WARS1: variants seen among roughly 807,000 people sequenced by gnomAD.
WARS1 encodes the protein tryptophan--tRNA ligase, cytoplasmic.
WARS1 carries 17 observed loss-of-function variants against 47.8 expected under a neutral mutation model. The observed-to-expected ratio is 0.36, with a 90% CI of 0.24 to 0.53. The LOEUF (loss-of-function observed/expected upper bound fraction) is 0.53. Among genes scored for constraint, WARS1 ranks in the 20% least tolerant of loss-of-function variants. The probability of loss-of-function intolerance (pLI) is 0.91; values close to 1 mark genes in which losing one functional copy is unlikely to be tolerated. For missense variants in WARS1, 434 were observed against 608.0 expected (o/e 0.71, Z 3.01); for synonymous variants, 208 against 228.1 (o/e 0.91, Z 0.79).
chr14:100,352,970 G>A (rs939595392), intron 6 of WARS1: 1 of 152,222 alleles, frequency 6.6e-6, no homozygotes, highest in Non-Finnish European at 1.5e-5. Flanking sequence ...TCTTTTCTCT[G>A]TGAGGAAAAG....
At chr14:100,353,397 C>T (rs574320913) in intron 6 of WARS1, among the ~76,000 whole-genome samples, 5 of 150,746 alleles carry the variant, frequency 3.3e-5, no homozygotes, top group African/African-American at 7.3e-5. Flanking sequence ...CTTATAGGTG[C>T]GTGCCACCAC....
Position 100,346,812 on chromosome 14 carries a change from T to C in WARS1, c.760A>G (p.Ile254Val). 3 of 1,614,016 alleles carry C rather than the reference T, an allele frequency of 1.9e-6. No individual in the cohort carries two copies. The highest frequency in any genetic ancestry group is 1.7e-6 in the Non-Finnish European group (2 of 1,179,900). Residue 254 changes from isoleucine to valine, a missense_variant, in exon 7 of 11, where the codon ATT becomes GTT. Transcript: ENST00000392882. ...SSGFYKNVVK[I>V]QKHVTFNQVK... ...TGGTTGAAGGTAACATGCTTTTGAATCTTCACCACATTTTTGTAGAAACCT... is the reference window on the plus strand; with the variant it reads ...TGGTTGAAGGTAACATGCTTTTGAACCTTCACCACATTTTTGTAGAAACCT...
At chr14:100,338,122 A>G (rs760677397) in intron 9 of WARS1, among the ~76,000 whole-genome samples, 11 of 152,180 alleles carry the variant, frequency 7.2e-5, no homozygotes, top group Non-Finnish European at 1.2e-4. Context: ...AACAGGCAAC[A>G]CTGTCAGAGC....
rs2234521 is a variant in WARS1, at chr14:100,361,861, C to T, written c.160G>A (p.Ala54Thr). 168 of 1,614,056 alleles carry T rather than the reference C, an allele frequency of 1.0e-4. No individual in the cohort carries two copies. Among genetic ancestry groups the T allele is most frequent in the Non-Finnish European group, 1.4e-4 (161 of 1,180,042 alleles). ...CAGTCAGCCTTGTAATCCTCCCCCG[C>T]GGCAGCTTTGTAGCTCATTTTTAAT... ...VSLKMSYKAA[A>T]GEDYKADCPP... Residue 54 changes from alanine (A) to threonine (T), a missense_variant, in exon 3 of 11, where the codon GCG (alanine) becomes ACG (threonine). Ala to Thr is a moderately conservative substitution (Grantham distance 58). Around this residue, in one of 2 missense-constraint regions of WARS1, gnomAD observed 87 missense variants for 84.2 expected, o/e 1.03. Coordinates refer to ENST00000392882, the MANE Select transcript of WARS1 (RefSeq NM_004184.4).
At chr14:100,364,973 A>C (rs4905955) in intron 2 of WARS1, among the ~76,000 whole-genome samples, 146,446 of 152,138 alleles carry the variant, frequency 0.96, 70,735 homozygotes, top group East Asian at 1. Context: ...TATTTATTTC[A>C]TTTAAAATAT....
In WARS1 at chr14:100,334,988, T is replaced by G; in HGVS notation, c.1303A>C (p.Ile435Leu). The part of the protein sequence containing the change: ...MLTGELKKAL[I>L]EVLQPLIAEH... ...GCGATCAAGGGCTGCAGAACCTCTA[T>G]GAGTGCCTTCTTGAGCTCACCGGTG... Residue 435 changes from isoleucine to leucine, a missense_variant, in exon 11 of 11, where the codon ATA becomes CTA. By Grantham distance (5) the Ile-to-Leu change is conservative. Coordinates refer to ENST00000392882, the MANE Select transcript of WARS1 (RefSeq NM_004184.4). 2 of 1,614,194 alleles carry G rather than the reference T, an allele frequency of 1.2e-6. No individual in the cohort carries two copies. The highest frequency in any genetic ancestry group is 1.7e-6 in the Non-Finnish European group (2 of 1,180,030).
In WARS1 at chr14:100,353,668, C is replaced by G. The variant is rs768948765; in HGVS notation, c.725+19G>C. 1 of 1,610,746 alleles carries G rather than the reference C, an allele frequency of 6.2e-7. No homozygotes were observed. ...CCTCCTCTACCTATTGAAAAGGCAGCCAGACGTTTTCTCCTTACCCCATGT... is the reference window on the plus strand; with the variant it reads ...CCTCCTCTACCTATTGAAAAGGCAGGCAGACGTTTTCTCCTTACCCCATGT... On this transcript the variant is annotated intron_variant, in intron 6 of 10. Coordinates refer to ENST00000392882, the MANE Select transcript of WARS1 (RefSeq NM_004184.4).
At chr14:100,368,778 T>C (rs1896160468) in intron 2 of WARS1, among the ~76,000 whole-genome samples, 1 of 77,274 alleles carries the variant, frequency 1.3e-5, no homozygotes, top group Non-Finnish European at 3.2e-5. Flanking sequence ...CTGACCAACG[T>C]GGTGAAACCC....
At position 100,354,517 on chromosome 14, in the gene WARS1, G is replaced by C; in HGVS notation, c.472C>G (p.Leu158Val). Residue 158 changes from leucine (L) to valine (V), a missense_variant, in exon 5 of 11, where the codon CTG becomes GTG. Physicochemically the swap from Leu to Val is conservative, Grantham distance 32. Coordinates refer to ENST00000392882, the MANE Select transcript of WARS1 (RefSeq NM_004184.4). Reference protein sequence around the residue: ...DAYENKKPFYLYTGRGPSSEA... With the variant: ...DAYENKKPFYVYTGRGPSSEA... ...GAAGAGGGGCCCCGGCCCGTGTACAGATAAAATGGCTTCTTATTTTCATAG... is the reference window on the plus strand; with the variant it reads ...GAAGAGGGGCCCCGGCCCGTGTACACATAAAATGGCTTCTTATTTTCATAG... 1 of 1,613,910 alleles carries C rather than the reference G, an allele frequency of 6.2e-7. No individual in the cohort carries two copies. Among genetic ancestry groups the C allele is most frequent in the Non-Finnish European group, 8.5e-7 (1 of 1,179,928 alleles).
At chr14:100,362,029 C>T in intron 2 of WARS1, 108 bp from the exon 3 acceptor site, 1 of 1,158,570 alleles carries the variant, frequency 8.6e-7, no homozygotes, top group Admixed American at 2.1e-5. Context: ...CACGTGTTAC[C>T]TTAGTTAGTG....
chr14:100,346,978 T>A, intron 6 of WARS1, 132 bp from the exon 7 acceptor site: 1 of 752,918 alleles, frequency 1.3e-6, no homozygotes, highest in Middle Eastern at 2.4e-4. Context: ...GGTCAACACG[T>A]AAGCACTGGG....
chr14:100,342,232 G>C lies in WARS1; in HGVS notation c.1113+166C>G, dbSNP rs1372726459. On this transcript the variant is annotated intron_variant, in intron 9 of 10. Coordinates refer to ENST00000392882, the MANE Select transcript of WARS1 (RefSeq NM_004184.4). Reference sequence around the variant, plus strand: ...CTGATTCATGTGGGAAGGACAGGCTGCCTTGAGTTCTGCAGGGAGCAAAGT... The same window carrying C: ...CTGATTCATGTGGGAAGGACAGGCTCCCTTGAGTTCTGCAGGGAGCAAAGT... 1.1e-5 allele frequency: 9 copies of C among 855,028 alleles called. No homozygotes were observed. The East Asian group carries it at 2.4e-4, about 23-fold the overall frequency. The allele number at this position is 855,028 out of a possible 1,614,324, so 53.0% of individuals were successfully genotyped here.
At chr14:100,353,908 C>T (rs762763029) in intron 5 of WARS1, 39 bp from the exon 6 acceptor site, 2 of 1,585,360 alleles carry the variant, frequency 1.3e-6, no homozygotes, top group South Asian at 1.1e-5. Context: ...CGTCTCATCT[C>T]CCCTGTGGAG....
chr14:100,350,143 C>A (rs1428699938), intron 6 of WARS1, among the ~76,000 whole-genome samples: 1 of 149,454 alleles, frequency 6.7e-6, no homozygotes, highest in South Asian at 2.2e-4. Context: ...GCTCACGCAT[C>A]CCAGCACTTT....
intron 4 of WARS1, among the ~76,000 whole-genome samples, chr14:100,355,132 G>C (rs1423815829): frequency 6.6e-6 from 1 of 152,084 alleles, no homozygotes; most frequent in Admixed American, 6.5e-5. Flanking sequence ...TCCCTACCAG[G>C]CTGCTTCCAA....
intron 6 of WARS1, among the ~76,000 whole-genome samples, chr14:100,351,158 T>C (rs1894954295): frequency 1.3e-5 from 2 of 152,132 alleles, no homozygotes; most frequent in African/African-American, 4.8e-5. Flanking sequence ...AAGATGAGAT[T>C]AGCTCTGAGT....
chr14:100,351,499 CAAA>C lies in WARS1; in HGVS notation c.725+2185_725+2187del, dbSNP rs71464656. Among the ~76,000 whole-genome samples the C allele has an allele frequency of 4.9e-3, 564 of 115,054 alleles. 3 individuals are homozygous for C. The highest frequency in any genetic ancestry group is 7.9e-3 in the Non-Finnish European group (449 of 56,788). 75.5% of individuals were successfully genotyped at this position (115,054 alleles called of 152,430 possible). The stretch of plus-strand genomic sequence containing the variant: ...AAAACCCATGAGTGAGACTCTGTCT[CAAA>C]AAAAAAAAAAAAAAAGAAAATTATG... On this transcript the variant is annotated intron_variant, in intron 6 of 10. Transcript: ENST00000392882.
chr14:100,361,463 CCTT>C (rs1895657574), intron 3 of WARS1, among the ~76,000 whole-genome samples: 1 of 152,280 alleles, frequency 6.6e-6, no homozygotes, highest in African/African-American at 2.4e-5. Flanking sequence ...AAAGGGAAAA[CCTT>C]CTATTAAGCT....
chr14:100,376,273 G>C (rs1439477981), upstream of WARS1: 4 of 747,470 alleles, frequency 5.4e-6, no homozygotes, highest in Admixed American at 4.5e-5. Flanking sequence ...GCCCAGCCGG[G>C]CCAGTCAGCG....
Sources: gnomAD v4.1 joint callset for allele counts (sites outside exome capture counted in the v4.1 genomes callset) on GRCh38, gnomAD v4.1.1 for gene constraint, gnomAD v4.1.1 regional missense constraint, MANE v1.5 for transcripts, NCBI Gene and HGNC (gene_info 2026-07-23, HGNC 2026-07-21) for gene names.